The following BAZ2B variants were observed in gnomAD, a reference collection of about 807,000 sequenced individuals.
BAZ2B encodes bromodomain adjacent to zinc finger domain protein 2B.
In BAZ2B, 91 loss-of-function variants were observed where a neutral mutation model predicts 246.0. The observed-to-expected ratio is 0.37, with a 90% confidence interval of 0.31 to 0.44. BAZ2B has a LOEUF of 0.44. BAZ2B is among the 20% of genes least tolerant of loss of function. The pLI, the probability that BAZ2B is intolerant of heterozygous loss-of-function variation, is 1.00. For synonymous variants in BAZ2B, 855 were observed against 860.0 expected (o/e 0.99, Z 0.10); for missense variants, 2,332 against 2,533.7 (o/e 0.92, Z 1.71).
downstream of BAZ2B, among the ~76,000 whole-genome samples, chr2:159,315,398 C>G (rs2062017199): frequency 6.6e-6 from 1 of 152,126 alleles, no homozygotes; most frequent in Non-Finnish European, 1.5e-5. Flanking sequence ...AGTTCTGGCT[C>G]AGGGTTGCTT....
At chr2:159,357,383 T>G (rs111452220) in intron 27 of BAZ2B, among the ~76,000 whole-genome samples, 23,721 of 151,390 alleles carry the variant, frequency 0.16, 2,692 homozygotes, top group Admixed American at 0.38. Flanking sequence ...TGATTGAATA[T>G]CAACTTAATG....
intron 2 of BAZ2B, among the ~76,000 whole-genome samples, chr2:159,545,741 A>C (rs1222844104): frequency 6.6e-6 from 1 of 152,200 alleles, no homozygotes. Flanking sequence ...TTACAGTCTA[A>C]TAGGTAAAAC....
intron 2 of BAZ2B, among the ~76,000 whole-genome samples, chr2:159,535,497 G>C (rs1280026699): frequency 6.6e-6 from 1 of 152,158 alleles, no homozygotes; most frequent in Non-Finnish European, 1.5e-5. Flanking sequence ...ACTTCAGCCT[G>C]GGTGACAGAA....
At chr2:159,548,792 C>T (rs1480382582) in intron 2 of BAZ2B, among the ~76,000 whole-genome samples, 1 of 151,896 alleles carries the variant, frequency 6.6e-6, no homozygotes, top group Non-Finnish European at 1.5e-5. Context: ...GAGCAAGACC[C>T]TGTTTCTAAA....
intron 16 of BAZ2B, among the ~76,000 whole-genome samples, chr2:159,403,448 G>T (rs541442044): frequency 2.0e-5 from 3 of 152,020 alleles, no homozygotes; most frequent in Admixed American, 2.0e-4. Flanking sequence ...AGTACTGATG[G>T]GATCTAATGA....
the BAZ2B span, among the ~76,000 whole-genome samples, chr2:159,666,700 C>CA: frequency 6.6e-6 from 1 of 152,000 alleles, no homozygotes; most frequent in African/African-American, 2.4e-5. Flanking sequence ...TACTAAAACA[C>CA]AAAAATTAGT....
chr2:159,358,943 C>T (rs138309352), intron 27 of BAZ2B, among the ~76,000 whole-genome samples: 5,449 of 152,228 alleles, frequency 0.036, 197 homozygotes, highest in African/African-American at 0.096. Flanking sequence ...ACCAGAATCT[C>T]TGGGACACAG....
At chr2:159,349,321 C>A in intron 28 of BAZ2B, 41 bp from the exon 29 acceptor site, 2 of 1,493,268 alleles carry the variant, frequency 1.3e-6, no homozygotes, top group South Asian at 1.4e-5. Flanking sequence ...GTAGATTACT[C>A]TAAGAAGTTA....
chr2:159,422,521 TG>T (rs2068949819), intron 13 of BAZ2B, among the ~76,000 whole-genome samples: 2 of 152,194 alleles, frequency 1.3e-5, no homozygotes, highest in Admixed American at 6.5e-5. Flanking sequence ...TAAATAGTTC[TG>T]GGATAACTGG....
chr2:159,462,992 T>A, intron 3 of BAZ2B: 2 of 830,570 alleles, frequency 2.4e-6, no homozygotes, highest in Non-Finnish European at 4.2e-6. Context: ...TTCTTGGATC[T>A]AAAACTCTGC....
intron 1 of BAZ2B, among the ~76,000 whole-genome samples, chr2:159,599,935 CAAAAAAAAA>C (rs11303439): frequency 9.8e-6 from 1 of 101,610 alleles, no homozygotes; most frequent in Non-Finnish European, 1.9e-5. Context: ...GACTCCTTCT[CAAAAAAAAA>C]AAAAAAAAAG....
At chr2:159,416,274 T>G (rs2067693412) in intron 13 of BAZ2B, among the ~76,000 whole-genome samples, 1 of 152,218 alleles carries the variant, frequency 6.6e-6, no homozygotes, top group Non-Finnish European at 1.5e-5. Flanking sequence ...GAAAATTTTT[T>G]GCTGAGATTC....
At position 159,349,150 on chromosome 2, in the gene BAZ2B, C is replaced by T; in HGVS notation, c.4994G>A (p.Gly1665Asp). The T allele has an allele frequency of 6.2e-7, 1 of 1,614,070 alleles. No individual in the cohort carries two copies. The highest frequency in any genetic ancestry group is 8.5e-7 in the Non-Finnish European group (1 of 1,179,968). ...AACATTGGAAGTCAAGAATGAATTA[C>T]CATTTCCTTCTGATAACCCTAACCC... ...GSGLGLSEGNGNSFLTSNVAS... is the reference protein window; with the variant it reads ...GSGLGLSEGNDNSFLTSNVAS... The change falls in exon 29 of 37, where the codon GGT (glycine) becomes GAT (aspartate). Residue 1665 changes from glycine to aspartate, a missense_variant. Physicochemically the swap from Gly to Asp is moderately conservative, Grantham distance 94. This residue lies in a region of BAZ2B where 676 missense variants were observed against 668.6 expected (regional missense o/e 1.01). Transcript: ENST00000392783.
At chr2:159,649,684 G>A in the BAZ2B span, among the ~76,000 whole-genome samples, 47,563 of 151,978 alleles carry the variant, frequency 0.31, 9,390 homozygotes, top group Admixed American at 0.48. Context: ...CTACACTGAC[G>A]TAGTTTTCTT....
chr2:159,455,776 T>G (rs1461368823), intron 3 of BAZ2B, among the ~76,000 whole-genome samples: 12 of 147,042 alleles, frequency 8.2e-5, no homozygotes, highest in Admixed American at 1.4e-4. Context: ...TTTTTTTTTT[T>G]TTTTTTTTTT....
the BAZ2B span, among the ~76,000 whole-genome samples, chr2:159,685,697 TA>T: frequency 6.6e-6 from 1 of 151,862 alleles, no homozygotes; most frequent in Non-Finnish European, 1.5e-5. Flanking sequence ...ACAAAACAAA[TA>T]ATGGCATTAT....
chr2:159,515,876 A>T (rs998022286), intron 2 of BAZ2B, among the ~76,000 whole-genome samples: 1 of 152,164 alleles, frequency 6.6e-6, no homozygotes, highest in African/African-American at 2.4e-5. Context: ...TATGAAACTT[A>T]CTAAATCAAG....
chr2:159,436,422 C>T (rs13033860), intron 8 of BAZ2B, among the ~76,000 whole-genome samples: 50,189 of 151,872 alleles, frequency 0.33, 9,837 homozygotes, highest in Non-Finnish European at 0.46. Context: ...AAAATTGAGA[C>T]CTGTATAGCA....
chr2:159,606,071 C>T (rs4664290), intron 1 of BAZ2B, among the ~76,000 whole-genome samples: 37,489 of 152,142 alleles, frequency 0.25, 5,970 homozygotes, highest in Admixed American at 0.43. Flanking sequence ...ATTTACCCAA[C>T]AAGCTGCAGA....
Sources: allele counts gnomAD v4.1 joint callset (sites outside exome capture counted in the v4.1 genomes callset), GRCh38; gene constraint gnomAD v4.1.1; regional missense constraint gnomAD v4.1.1; transcripts MANE v1.5; gene names NCBI Gene and HGNC (gene_info 2026-07-23, HGNC 2026-07-21).